The following SND1 variants were observed in gnomAD, a reference collection of about 807,000 sequenced individuals.
SND1 encodes staphylococcal nuclease domain-containing protein 1.
Under a neutral mutation model 121.7 loss-of-function variants are expected in SND1, and 38 were observed. That is an observed-to-expected ratio of 0.31 (90% CI 0.24 to 0.41). The LOEUF (loss-of-function observed/expected upper bound fraction) is 0.41, where lower values mean the gene tolerates loss of function less well. Ranked by LOEUF, SND1 falls within the 10% of genes least tolerant of loss-of-function variation. The probability of loss-of-function intolerance (pLI) is 1.00; values close to 1 mark genes in which losing one functional copy is unlikely to be tolerated. For missense variants in SND1, 868 were observed against 1,184.6 expected, an observed-to-expected ratio of 0.73 and a Z score of 3.92; for synonymous variants, 401 against 447.4, an observed-to-expected ratio of 0.90 and a Z score of 1.31.
rs769212765 is a variant in SND1, at chr7:127,990,937, C to T, written c.1670-10C>T. 6.2e-7 allele frequency: 1 copy of T among 1,606,216 alleles called. No individual in the cohort carries two copies. Among genetic ancestry groups the T allele is most frequent in the Admixed American group, 1.7e-5 (1 of 59,628 alleles). On this transcript the variant is annotated splice_polypyrimidine_tract_variant and intron_variant, in intron 15 of 23. Coordinates refer to ENST00000354725, the MANE Select transcript of SND1 (RefSeq NM_014390.4). ...TTTTCATCACAGATTCTACTTTTCT[C>T]CTGACACAGGCATTGAATGCCCCAG... is the stretch of plus-strand genomic sequence containing the variant.
intron 16 of SND1, among the ~76,000 whole-genome samples, chr7:128,056,457 A>C (rs933255382): frequency 6.6e-6 from 1 of 152,246 alleles, no homozygotes; most frequent in African/African-American, 2.4e-5. Context: ...AAACATTCTT[A>C]AAAGCAAAGA....
chr7:128,006,236 G>A lies in SND1; in HGVS notation c.1779+15180G>A, dbSNP rs3808062. ...AAACAAGCATGGGAAGGGTGCGTGC[G>A]TGCGTGCGTGTGTGTGTGTGTTCAG... is the stretch of plus-strand genomic sequence containing the variant. On this transcript the variant is annotated intron_variant, in intron 16 of 23. Transcript: ENST00000354725. Among the ~76,000 whole-genome samples the A allele has an allele frequency of 9.9e-4, 151 of 152,142 alleles. 1 individual carries two copies. Among genetic ancestry groups the A allele is most frequent in the Middle Eastern group, 3.4e-3 (1 of 294 alleles).
chr7:128,046,456 C>T (rs996390333), intron 16 of SND1, among the ~76,000 whole-genome samples: 3 of 150,154 alleles, frequency 2.0e-5, no homozygotes, highest in South Asian at 2.1e-4. Flanking sequence ...ACCTCCACCT[C>T]GGGTTCAAGT....
At chr7:127,659,344 A>C (rs540557198) in intron 1 of SND1, among the ~76,000 whole-genome samples, 2 of 152,376 alleles carry the variant, frequency 1.3e-5, no homozygotes, top group African/African-American at 4.8e-5. Context: ...AAAAATGAAC[A>C]GTGGTTTCAG....
At chr7:127,935,428 G>T (rs1360492192) in intron 15 of SND1, among the ~76,000 whole-genome samples, 4 of 152,066 alleles carry the variant, frequency 2.6e-5, no homozygotes, top group Admixed American at 6.5e-5. Context: ...TGGCAAATGA[G>T]GTTATAAAAA....
At chr7:128,089,121 A>G (rs322822) in intron 21 of SND1, among the ~76,000 whole-genome samples, 1 of 151,962 alleles carries the variant, frequency 6.6e-6, no homozygotes, top group African/African-American at 2.4e-5. Context: ...GTGGCGCAAT[A>G]TTGGCTCACT....
intron 16 of SND1, among the ~76,000 whole-genome samples, chr7:128,049,132 C>T (rs978949980): frequency 1.3e-5 from 2 of 152,180 alleles, no homozygotes; most frequent in Admixed American, 6.5e-5. Context: ...TCATGCTACC[C>T]TTACTGGAGC....
chr7:127,939,460 T>C (rs1474707540), intron 15 of SND1, among the ~76,000 whole-genome samples: 1 of 152,202 alleles, frequency 6.6e-6, no homozygotes, highest in African/African-American at 2.4e-5. Flanking sequence ...TTGTTTGGCC[T>C]GGTTTAATGG....
chr7:127,768,096 A>C (rs1797451976), intron 10 of SND1, among the ~76,000 whole-genome samples: 1 of 152,188 alleles, frequency 6.6e-6, no homozygotes, highest in Non-Finnish European at 1.5e-5. Flanking sequence ...AGCCAGCATA[A>C]TCTGGGACAT....
chr7:127,686,747 G>A lies in SND1; in HGVS notation c.213G>A (p.Lys71=). The A allele has an allele frequency of 1.9e-6, 3 of 1,614,056 alleles. No individual in the cohort carries two copies. Among genetic ancestry groups the A allele is most frequent in the Non-Finnish European group, 1.7e-6 (2 of 1,179,938 alleles). Residue 71 remains lysine, a synonymous_variant, in exon 2 of 24, where the codon AAG becomes AAA. Transcript: ENST00000354725. ...CAGCCGCCACACAACCTGATGCAAA[G>A]GATACCCCTGATGAGGTAGGTGTTT... The part of the protein sequence containing the change: ...RRAAATQPDA[K]DTPDEPWAFP...
intron 16 of SND1, among the ~76,000 whole-genome samples, chr7:128,072,537 A>G (rs1430588685): frequency 1.3e-5 from 2 of 152,220 alleles, no homozygotes; most frequent in Non-Finnish European, 2.9e-5. Context: ...CAGCTTCCCC[A>G]GAATTCCTCT....
At chr7:127,807,438 AT>A (rs1798256481) in intron 10 of SND1, 45 bp from the exon 11 acceptor site, 2 of 1,460,968 alleles carry the variant, frequency 1.4e-6, no homozygotes, top group Non-Finnish European at 1.9e-6. Flanking sequence ...GTACATGTTC[AT>A]TTGATATTGT....
intron 12 of SND1, among the ~76,000 whole-genome samples, chr7:127,862,765 T>C (rs1223968732): frequency 2.0e-5 from 3 of 150,446 alleles, no homozygotes; most frequent in Admixed American, 6.6e-5. Flanking sequence ...GGATGGGTGC[T>C]CTCCCAGGCC....
intron 12 of SND1, among the ~76,000 whole-genome samples, chr7:127,869,186 G>A (rs532801515): frequency 6.6e-6 from 1 of 152,220 alleles, no homozygotes; most frequent in East Asian, 1.9e-4. Flanking sequence ...CTGAAGGATG[G>A]CAAAAAGCAA....
chr7:127,719,829 C>G (rs1390590594), intron 9 of SND1, among the ~76,000 whole-genome samples: 1 of 152,206 alleles, frequency 6.6e-6, no homozygotes, highest in Non-Finnish European at 1.5e-5. Context: ...AGTAAACCTT[C>G]TATGGACTTA....
At position 127,704,917 on chromosome 7, in the gene SND1, G is replaced by A; in HGVS notation, c.919G>A (p.Gly307Ser). The A allele has an allele frequency of 6.2e-7, 1 of 1,614,058 alleles. No homozygotes were observed. Among genetic ancestry groups the A allele is most frequent in the Non-Finnish European group, 8.5e-7 (1 of 1,179,960 alleles). Reference protein sequence around the residue: ...VDWSIAVYTRGAEKLRAAERF... With the variant: ...VDWSIAVYTRSAEKLRAAERF... ...CTGGTCGATTGCAGTTTACACCCGG[G>A]GCGCAGAAAAGCTGAGGGCGGCAGA... The change falls in exon 8 of 24, where the codon GGC becomes AGC. Residue 307 changes from glycine (G) to serine (S), a missense_variant. By Grantham distance (56) the Gly-to-Ser change is moderately conservative. Coordinates refer to ENST00000354725, the MANE Select transcript of SND1 (RefSeq NM_014390.4).
intron 16 of SND1, among the ~76,000 whole-genome samples, chr7:128,001,167 G>GC (rs1445039719): frequency 6.6e-6 from 1 of 152,216 alleles, no homozygotes. Context: ...ATGAAATGCT[G>GC]CGGTGCATGA....
chr7:127,856,525 C>A (rs1799277216), intron 12 of SND1, among the ~76,000 whole-genome samples: 3 of 152,082 alleles, frequency 2.0e-5, no homozygotes, highest in Admixed American at 1.3e-4. Context: ...GCAAATATTG[C>A]GATCTTGGAG....
chr7:127,667,647 G>A (rs950228173), intron 1 of SND1, among the ~76,000 whole-genome samples: 1 of 152,172 alleles, frequency 6.6e-6, no homozygotes, highest in East Asian at 1.9e-4. Flanking sequence ...GGAAGGGGTT[G>A]CTGGACTTAA....
Sources: gnomAD v4.1 joint callset for allele counts (sites outside exome capture counted in the v4.1 genomes callset) on GRCh38, gnomAD v4.1.1 for gene constraint, MANE v1.5 for transcripts, NCBI Gene and HGNC (gene_info 2026-07-23, HGNC 2026-07-21) for gene names.